Variants in SCHIP1 observed in about 807,000 individuals in gnomAD.
SCHIP1 encodes the protein schwannomin interacting protein 1.
Under a neutral mutation model 29.7 loss-of-function variants are expected in SCHIP1, and 8 were observed. The observed-to-expected ratio is 0.27, with a 90% CI of 0.16 to 0.49. The LOEUF (loss-of-function observed/expected upper bound fraction) is 0.49, where lower values mean the gene tolerates loss of function less well. Among genes scored for constraint, SCHIP1 ranks in the 20% least tolerant of loss-of-function variants. The probability of loss-of-function intolerance (pLI) is 0.99; values close to 1 mark genes in which losing one functional copy is unlikely to be tolerated. For missense variants in SCHIP1, 193 were observed against 294.6 expected, an observed-to-expected ratio of 0.66 and a Z score of 2.52; for synonymous variants, 76 against 94.9, an observed-to-expected ratio of 0.80 and a Z score of 1.16.
the SCHIP1 span, among the ~76,000 whole-genome samples, chr3:159,426,425 A>G: frequency 1.3e-5 from 2 of 152,222 alleles, no homozygotes; most frequent in Non-Finnish European, 2.9e-5. Context: ...AATAAACTAG[A>G]AAATCTAGAA....
the SCHIP1 span, among the ~76,000 whole-genome samples, chr3:159,510,778 CA>C: frequency 2.0e-5 from 3 of 152,210 alleles, no homozygotes; most frequent in Non-Finnish European, 4.4e-5. Flanking sequence ...GGCTGCAGAA[CA>C]GTGAATATTG....
the SCHIP1 span, among the ~76,000 whole-genome samples, chr3:159,448,357 G>A: frequency 1.2e-4 from 19 of 152,146 alleles, no homozygotes; most frequent in Admixed American, 1.2e-3. Context: ...TGTAATCCCA[G>A]CTACTCAGGA....
At chr3:159,412,837 G>A in the SCHIP1 span, among the ~76,000 whole-genome samples, 1 of 152,204 alleles carries the variant, frequency 6.6e-6, no homozygotes, top group Non-Finnish European at 1.5e-5. Context: ...CTGGGTCCAG[G>A]CTGAACTAGG....
the SCHIP1 span, among the ~76,000 whole-genome samples, chr3:159,436,849 T>C: frequency 6.6e-6 from 1 of 152,086 alleles, no homozygotes; most frequent in Non-Finnish European, 1.5e-5. Flanking sequence ...ATATGGTATA[T>C]ACCAGGAGTC....
chr3:159,573,892 T>G, the SCHIP1 span, among the ~76,000 whole-genome samples: 1 of 152,228 alleles, frequency 6.6e-6, no homozygotes, highest in African/African-American at 2.4e-5. Flanking sequence ...TTCTTCCACT[T>G]GATCAAATCG....
chr3:159,553,966 ACGTGTGTGTGTG>A, the SCHIP1 span, among the ~76,000 whole-genome samples: 1 of 108,008 alleles, frequency 9.3e-6, no homozygotes, highest in African/African-American at 3.8e-5. Flanking sequence ...ACGCCCAGCT[ACGTGTGTGTGTG>A]TGTGTGTGTG....
At chr3:159,353,857 G>C in the SCHIP1 span, among the ~76,000 whole-genome samples, 415 of 152,224 alleles carry the variant, frequency 2.7e-3, 1 homozygote, top group Non-Finnish European at 4.7e-3. Context: ...TGGTCCAGTT[G>C]AAATGCAACA....
the SCHIP1 span, among the ~76,000 whole-genome samples, chr3:159,312,721 C>T: frequency 2.0e-5 from 3 of 152,124 alleles, no homozygotes; most frequent in Non-Finnish European, 4.4e-5. Flanking sequence ...AGTCTAGAAT[C>T]TCTGGGAGGT....
At chr3:159,273,787 C>A in the SCHIP1 span, 4 of 1,611,306 alleles carry the variant, frequency 2.5e-6, no homozygotes, top group Non-Finnish European at 3.4e-6. Context: ...ACAACTCTTC[C>A]CTCTCAAATG....
intron 1 of SCHIP1, among the ~76,000 whole-genome samples, chr3:159,851,653 G>T (rs1399426104): frequency 6.6e-6 from 1 of 152,164 alleles, no homozygotes; most frequent in Non-Finnish European, 1.5e-5. Context: ...CTTCAAACTA[G>T]AGCATACTTT....
At chr3:159,419,899 G>A in the SCHIP1 span, among the ~76,000 whole-genome samples, 5 of 152,116 alleles carry the variant, frequency 3.3e-5, no homozygotes, top group African/African-American at 7.2e-5. Context: ...GCAAAAACTC[G>A]GTGGCATGAC....
At chr3:159,671,459 A>G in the SCHIP1 span, among the ~76,000 whole-genome samples, 2 of 152,064 alleles carry the variant, frequency 1.3e-5, no homozygotes, top group Non-Finnish European at 2.9e-5. Context: ...CTCACTCCCA[A>G]GGCTCTTTCT....
the SCHIP1 span, among the ~76,000 whole-genome samples, chr3:159,476,757 T>TA: frequency 6.6e-6 from 1 of 152,168 alleles, no homozygotes; most frequent in Non-Finnish European, 1.5e-5. Flanking sequence ...CAATGTGGAA[T>TA]AAAATCAACC....
At chr3:159,684,199 A>G in the SCHIP1 span, among the ~76,000 whole-genome samples, 1 of 152,184 alleles carries the variant, frequency 6.6e-6, no homozygotes, top group Admixed American at 6.5e-5. Flanking sequence ...CAGGTAGCAG[A>G]CTAGAGACCA....
chr3:159,287,544 C>T, the SCHIP1 span, among the ~76,000 whole-genome samples: 2 of 151,908 alleles, frequency 1.3e-5, no homozygotes, highest in Non-Finnish European at 2.9e-5. Flanking sequence ...GGAGAATAAA[C>T]CGCATTCTAT....
the SCHIP1 span, among the ~76,000 whole-genome samples, chr3:159,543,076 T>TAC: frequency 1.1e-4 from 16 of 148,630 alleles, no homozygotes; most frequent in African/African-American, 1.5e-4. Flanking sequence ...CACATATATA[T>TAC]ACACATGTTT....
chr3:159,445,072 C>G, the SCHIP1 span, among the ~76,000 whole-genome samples: 1 of 151,940 alleles, frequency 6.6e-6, no homozygotes, highest in Non-Finnish European at 1.5e-5. Flanking sequence ...AAGGAACTAC[C>G]ATCAGAGTGA....
chr3:159,874,208 A>G (rs1006368919), intron 2 of SCHIP1, among the ~76,000 whole-genome samples: 1 of 152,194 alleles, frequency 6.6e-6, no homozygotes, highest in Non-Finnish European at 1.5e-5. Flanking sequence ...ATTTACATAC[A>G]TATACATATA....
At chr3:159,541,547 T>C in the SCHIP1 span, among the ~76,000 whole-genome samples, 9 of 152,100 alleles carry the variant, frequency 5.9e-5, no homozygotes, top group Admixed American at 2.6e-4. Flanking sequence ...TTGTGGCTGA[T>C]AGATTTATGG....
Sources: allele counts gnomAD v4.1 joint callset (sites outside exome capture counted in the v4.1 genomes callset), GRCh38; gene constraint gnomAD v4.1.1; transcripts MANE v1.5; gene names NCBI Gene and HGNC (gene_info 2026-07-23, HGNC 2026-07-21).